Variants in CDC42 observed in about 807,000 individuals in gnomAD.
The protein encoded by CDC42 is cell division control protein 42 homolog.
CDC42 carries 1 observed loss-of-function variant against 20.8 expected under a neutral mutation model. The observed-to-expected ratio is 0.05, with a 90% CI of 0.02 to 0.23. The LOEUF (loss-of-function observed/expected upper bound fraction) is 0.23, where lower values mean the gene tolerates loss of function less well. Among genes scored for constraint, CDC42 ranks in the 10% least tolerant of loss-of-function variants. CDC42 has a pLI of 1.00. For missense variants in CDC42, 49 were observed against 227.9 expected (o/e 0.21, Z 5.05); for synonymous variants, 72 against 84.8 (o/e 0.85, Z 0.83).
intron 1 of CDC42, among the ~76,000 whole-genome samples, chr1:22,054,182 T>C (rs1645269539): frequency 6.6e-6 from 1 of 152,156 alleles, no homozygotes; most frequent in African/African-American, 2.4e-5. Flanking sequence ...ATTTTCATAA[T>C]TTTGAGATCA....
intron 1 of CDC42, among the ~76,000 whole-genome samples, chr1:22,075,957 C>A (rs539640271): frequency 5.9e-5 from 9 of 152,178 alleles, no homozygotes; most frequent in Non-Finnish European, 1.2e-4. Context: ...ACTCCCTTCT[C>A]CCAATAAAAT....
At chr1:22,058,885 G>C (rs1205364380) in intron 1 of CDC42, among the ~76,000 whole-genome samples, 1 of 151,972 alleles carries the variant, frequency 6.6e-6, no homozygotes, top group East Asian at 1.9e-4. Context: ...TGTGATTATA[G>C]CTCACTGTAA....
intron 1 of CDC42, among the ~76,000 whole-genome samples, chr1:22,067,719 C>G (rs1645440352): frequency 6.6e-6 from 1 of 152,126 alleles, no homozygotes. Flanking sequence ...TCTTATAAGG[C>G]CACTAATCCC....
intron 1 of CDC42, among the ~76,000 whole-genome samples, chr1:22,074,831 T>G (rs1035697791): frequency 1.3e-5 from 2 of 152,130 alleles, no homozygotes; most frequent in African/African-American, 4.8e-5. Flanking sequence ...GCAGAAGAGG[T>G]TGGCTTAATA....
rs1645728828 is a variant in CDC42 at position 22,092,594 on chromosome 1, TG to T, written c.*1082del. The T allele has an allele frequency of 2.5e-5, 1 of 39,450 alleles. No individual in the cohort carries two copies. Among genetic ancestry groups the T allele is most frequent in the Non-Finnish European group, 4.8e-5 (1 of 20,814 alleles). The allele number at this position is 39,450 out of a possible 1,614,324, so 2.4% of individuals were successfully genotyped here. A position where few individuals can be genotyped will look rare whatever the true frequency, so the allele number is the denominator to read the frequency against. ...ATGGAGGCCTGCTTCATTAAGAAGC[TG>T]GGGGTAGGGTGGGGGTGGGGAGAAC... On this transcript the variant is annotated 3_prime_UTR_variant, in exon 6 of 6. Transcript: ENST00000656825.
intron 5 of CDC42, among the ~76,000 whole-genome samples, chr1:22,087,363 C>T (rs1335279685): frequency 3.3e-5 from 5 of 152,136 alleles, no homozygotes; most frequent in Admixed American, 6.5e-5. Context: ...AGTTCTCAAG[C>T]GTGCTTTATA....
chr1:22,090,280 T>G, intron 5 of CDC42: 1 of 1,176,818 alleles, frequency 8.5e-7, no homozygotes, highest in Non-Finnish European at 1.1e-6. Context: ...CAGAGCTTTT[T>G]GGTTTGGATT....
chr1:22,085,692 A>G (rs1645654959), intron 3 of CDC42, among the ~76,000 whole-genome samples: 1 of 152,070 alleles, frequency 6.6e-6, no homozygotes, highest in African/African-American at 2.4e-5. Context: ...TTCTTGCTAA[A>G]TTTGTTTTCT....
Position 22,061,530 on chromosome 1 carries a change from TTC to T in CDC42, c.-51+8790_-51+8791del, listed in dbSNP as rs765044045. Among the ~76,000 whole-genome samples, 17 of 15,820 alleles carry T rather than the reference TTC, an allele frequency of 1.1e-3. 4 individuals carry two copies. The highest frequency in any genetic ancestry group is 2.2e-3 in the African/African-American group (11 of 5,010). 10.4% of individuals were successfully genotyped at this position (15,820 alleles called of 152,430 possible). On this transcript the variant is annotated intron_variant, in intron 1 of 5. Transcript: ENST00000656825. ...TCAATCAGTTTAACTTCATGTTTCT[TTC>T]TTTTTTTTTTTTTTTTTTTTTTTTT...
intron 3 of CDC42, among the ~76,000 whole-genome samples, chr1:22,083,268 G>T (rs1394280625): frequency 1.3e-5 from 2 of 151,984 alleles, no homozygotes; most frequent in Non-Finnish European, 2.9e-5. Context: ...ACATTTTCTG[G>T]CGAGTACTTT....
At chr1:22,087,714 T>G (rs1645674985) in intron 5 of CDC42, among the ~76,000 whole-genome samples, 1 of 152,220 alleles carries the variant, frequency 6.6e-6, no homozygotes, top group African/African-American at 2.4e-5. Context: ...GATTGAAGGG[T>G]GGAGGTTTCT....
chr1:22,071,890 T>C (rs1458891613), intron 1 of CDC42, among the ~76,000 whole-genome samples: 1 of 152,132 alleles, frequency 6.6e-6, no homozygotes, highest in East Asian at 1.9e-4. Flanking sequence ...ACTAACAGTT[T>C]AATTCTGATA....
At chr1:22,077,115 C>T (rs1392097362) in intron 1 of CDC42, among the ~76,000 whole-genome samples, 2 of 152,082 alleles carry the variant, frequency 1.3e-5, no homozygotes, top group African/African-American at 2.4e-5. Flanking sequence ...GAGGTTGTGC[C>T]ACTGCACTCC....
chr1:22,064,946 C>T (rs760862721), intron 1 of CDC42, among the ~76,000 whole-genome samples: 32 of 152,188 alleles, frequency 2.1e-4, no homozygotes, highest in South Asian at 1.2e-3. Context: ...GGATTACAGG[C>T]GTGCATTCTG....
chr1:22,071,033 T>C (rs894357165), intron 1 of CDC42, among the ~76,000 whole-genome samples: 2 of 98,340 alleles, frequency 2.0e-5, no homozygotes. Context: ...CAAGCATTTC[T>C]TTTTTTTTCT....
At chr1:22,060,307 A>C (rs1645349027) in intron 1 of CDC42, among the ~76,000 whole-genome samples, 1 of 152,092 alleles carries the variant, frequency 6.6e-6, no homozygotes, top group African/African-American at 2.4e-5. Flanking sequence ...ACTGTTCTCC[A>C]GCCTGGGTGA....
chr1:22,083,596 C>T (rs1293873603), intron 3 of CDC42, among the ~76,000 whole-genome samples: 1 of 151,674 alleles, frequency 6.6e-6, no homozygotes, highest in Non-Finnish European at 1.5e-5. Context: ...CAGAGTGAGA[C>T]TCCGTCTTTA....
At position 22,094,781 on chromosome 1, in the gene CDC42, A is replaced by G. The variant is rs1016540597; in HGVS notation, c.*3264A>G. Among the ~76,000 whole-genome samples the G allele has an allele frequency of 6.6e-6, 1 of 152,204 alleles. No homozygotes were observed. Among genetic ancestry groups the G allele is most frequent in the Admixed American group, 6.5e-5 (1 of 15,276 alleles). On this transcript the variant is annotated 3_prime_UTR_variant, in exon 6 of 6. Transcript: ENST00000656825. ...TTAGGATACCTGTTAACATTGGTGT[A>G]CATTTAATGTAGTAGTACTTTTTCT...
chr1:22,071,557 G>A (rs192628824), intron 1 of CDC42, among the ~76,000 whole-genome samples: 36 of 152,280 alleles, frequency 2.4e-4, no homozygotes, highest in Admixed American at 3.9e-4. Flanking sequence ...AAAATTGTAC[G>A]TTAGATATGC....
Sources: allele counts gnomAD v4.1 joint callset (sites outside exome capture counted in the v4.1 genomes callset), GRCh38; gene constraint gnomAD v4.1.1; transcripts MANE v1.5; gene names NCBI Gene and HGNC (gene_info 2026-07-23, HGNC 2026-07-21).